Variants in WDFY3 observed in about 807,000 individuals in gnomAD.
The protein encoded by WDFY3 is WD repeat and FYVE domain containing 3, also known as WD repeat and FYVE domain-containing protein 3.
In WDFY3, 66 loss-of-function variants were observed where a neutral mutation model predicts 409.6. That is an observed-to-expected ratio of 0.16 (90% CI 0.13 to 0.20). WDFY3 has a LOEUF of 0.20. WDFY3 is among the 10% of genes least tolerant of loss of function. The probability of loss-of-function intolerance (pLI) is 1.00; values close to 1 mark genes in which losing one functional copy is unlikely to be tolerated. For synonymous variants in WDFY3, 1,521 were observed against 1,537.1 expected, an observed-to-expected ratio of 0.99 and a Z score of 0.25; for missense variants, 3,031 against 4,298.1, an observed-to-expected ratio of 0.71 and a Z score of 8.24.
At chr4:84,890,220 C>G (rs912395965) in intron 3 of WDFY3, among the ~76,000 whole-genome samples, 18 of 152,168 alleles carry the variant, frequency 1.2e-4, no homozygotes, top group Admixed American at 5.9e-4. Context: ...CTGCCTCAGC[C>G]TCCTGAGTAG....
intron 6 of WDFY3, among the ~76,000 whole-genome samples, chr4:84,840,075 G>C (rs1471180711): frequency 6.6e-6 from 1 of 152,136 alleles, no homozygotes; most frequent in Non-Finnish European, 1.5e-5. Flanking sequence ...TACATGATGA[G>C]AGTGTTTGAA....
intron 7 of WDFY3, among the ~76,000 whole-genome samples, chr4:84,833,576 C>T (rs746350002): frequency 2.6e-5 from 4 of 152,026 alleles, no homozygotes; most frequent in Non-Finnish European, 4.4e-5. Flanking sequence ...ATCACCTGAG[C>T]CCGGGAGGTC....
chr4:84,858,977 G>A (rs545980097), intron 4 of WDFY3, among the ~76,000 whole-genome samples: 1 of 151,784 alleles, frequency 6.6e-6, no homozygotes, highest in African/African-American at 2.4e-5. Context: ...CATAGAGAGA[G>A]ACAGACAGAT....
chr4:84,867,790 G>A (rs1372482637), intron 3 of WDFY3, among the ~76,000 whole-genome samples: 1 of 152,050 alleles, frequency 6.6e-6, no homozygotes. Context: ...TTATATAAGC[G>A]AAGAAACAAA....
At chr4:84,921,646 A>ATTTTTTTTTTTTT (rs747576197) in intron 2 of WDFY3, among the ~76,000 whole-genome samples, 1 of 78,666 alleles carries the variant, frequency 1.3e-5, no homozygotes, top group African/African-American at 5.7e-5. Flanking sequence ...TATTGCTTTC[A>ATTTTTTTTTTTTT]TTTTTTTTTT....
intron 2 of WDFY3, among the ~76,000 whole-genome samples, chr4:84,921,498 T>C (rs1213482445): frequency 1.3e-5 from 2 of 152,020 alleles, no homozygotes; most frequent in Non-Finnish European, 2.9e-5. Flanking sequence ...CCTAATGAAA[T>C]AGCAAGCATA....
intron 27 of WDFY3, among the ~76,000 whole-genome samples, chr4:84,777,905 C>A (rs751705953): frequency 6.6e-6 from 1 of 151,946 alleles, no homozygotes; most frequent in African/African-American, 2.4e-5. Context: ...TAAGTGATCA[C>A]GAGTTGCCTT....
chr4:84,787,650 C>A lies in WDFY3; in HGVS notation c.3733G>T (p.Val1245Phe), dbSNP rs867872627. The A allele has an allele frequency of 6.2e-7, 1 of 1,614,126 alleles. No individual in the cohort carries two copies. The highest frequency in any genetic ancestry group is 8.5e-7 in the Non-Finnish European group (1 of 1,180,000). Residue 1245 changes from valine (V) to phenylalanine (F), a missense_variant, in exon 23 of 68, where the codon GTC becomes TTC. This residue lies in a region of WDFY3 where 1,322 missense variants were observed against 1,697.9 expected (regional missense o/e 0.78). Transcript: ENST00000295888. The part of the protein sequence containing the change: ...GSANPPVVST[V>F]YAYIGTPPAQ... ...GGTGGAGTACCAATGTAGGCATAGA[C>A]CGTGCTCACCACTGGTGGATTTGCC...
intron 2 of WDFY3, among the ~76,000 whole-genome samples, chr4:84,916,970 T>C (rs762297735): frequency 3.9e-5 from 6 of 152,152 alleles, no homozygotes; most frequent in Non-Finnish European, 5.9e-5. Flanking sequence ...AATAGATATA[T>C]ATTTTATATA....
Position 84,691,697 on chromosome 4 carries a change from C to A in WDFY3, c.9138G>T (p.Trp3046Cys), listed in dbSNP as rs372392667. 3.8e-5 allele frequency: 62 copies of A among 1,613,974 alleles called. No individual in the cohort carries two copies. The highest frequency in any genetic ancestry group is 5.1e-5 in the Non-Finnish European group (60 of 1,180,010). The change falls in exon 60 of 68, where the codon TGG (tryptophan) becomes TGT (cysteine). Residue 3046 changes from tryptophan (W) to cysteine (C), a missense_variant. Coordinates refer to ENST00000295888, the MANE Select transcript of WDFY3 (RefSeq NM_014991.6). ...CATAGCCCCAAGCAAAAGTTTTATT[C>A]CAGGTTGGTGGGATAAGAACCTTAT... The part of the protein sequence containing the change: ...EQNKVLIPPT[W>C]NKTFAWGYAD...
In WDFY3 at chr4:84,836,997, C is replaced by T. The variant is rs1297314481; in HGVS notation, c.508G>A (p.Val170Ile). The change falls in exon 7 of 68, where the codon GTT becomes ATT. Residue 170 changes from valine (V) to isoleucine (I), a missense_variant. Val to Ile is a conservative substitution (Grantham distance 29, BLOSUM62 3). Coordinates refer to ENST00000295888, the MANE Select transcript of WDFY3 (RefSeq NM_014991.6). ...GGTAGCTCATTCTGTGCACCTCCAA[C>T]TGCCTCAGGCACATGTGGAAGGTCA... Reference protein sequence around the residue: ...FFDLPHVPEAVGGAQNELPLA... With the variant: ...FFDLPHVPEAIGGAQNELPLA... 1 of 1,602,262 alleles carries T rather than the reference C, an allele frequency of 6.2e-7. No homozygotes were observed. Among genetic ancestry groups the T allele is most frequent in the African/African-American group, 1.3e-5 (1 of 74,744 alleles).
intron 44 of WDFY3, among the ~76,000 whole-genome samples, chr4:84,728,784 T>C (rs1392397483): frequency 1.3e-5 from 2 of 152,174 alleles, no homozygotes; most frequent in African/African-American, 4.8e-5. Context: ...CAGCACTCAA[T>C]AGTAAATATG....
At chr4:84,705,551 A>T in intron 53 of WDFY3, 40 bp from the exon 54 acceptor site, 1 of 1,487,442 alleles carries the variant, frequency 6.7e-7, no homozygotes. Flanking sequence ...GTTACTATAC[A>T]CTATCTAGCC....
chr4:84,909,038 ACACACACACG>A (rs1767421362), intron 2 of WDFY3, among the ~76,000 whole-genome samples: 1 of 150,378 alleles, frequency 6.6e-6, no homozygotes, highest in Admixed American at 6.6e-5. Flanking sequence ...ATACACACAC[ACACACACACG>A]CACACACACA....
chr4:84,748,245 T>G (rs1050351677), intron 36 of WDFY3, among the ~76,000 whole-genome samples: 1 of 152,190 alleles, frequency 6.6e-6, no homozygotes, highest in African/African-American at 2.4e-5. Context: ...TTTGAGTATG[T>G]TTAAGTGTTG....
At chr4:84,865,008 G>T (rs1315071127) in intron 3 of WDFY3, among the ~76,000 whole-genome samples, 1 of 151,836 alleles carries the variant, frequency 6.6e-6, no homozygotes, top group Non-Finnish European at 1.5e-5. Context: ...TCCCTCCTCA[G>T]CCTCCCTAGT....
chr4:84,690,476 C>T, intron 61 of WDFY3, 30 bp downstream of exon 61: 1 of 1,613,800 alleles, frequency 6.2e-7, no homozygotes. Flanking sequence ...GGACTATGTC[C>T]TTCTTGGCAT....
intron 26 of WDFY3, 39 bp from the exon 27 acceptor site, chr4:84,778,694 TCA>T: frequency 1.3e-6 from 2 of 1,577,756 alleles, no homozygotes; most frequent in Non-Finnish European, 1.7e-6. Context: ...TGATAAATCA[TCA>T]TATATATTCA....
chr4:84,849,771 G>GGA, intron 5 of WDFY3, 131 bp downstream of exon 5: 3 of 1,276,494 alleles, frequency 2.4e-6, no homozygotes, highest in Non-Finnish European at 3.2e-6. Context: ...TCTAAGAAAG[G>GGA]GAAAGGGAAT....
Sources: allele counts gnomAD v4.1 joint callset (sites outside exome capture counted in the v4.1 genomes callset), GRCh38; gene constraint gnomAD v4.1.1; regional missense constraint gnomAD v4.1.1; transcripts MANE v1.5; gene names NCBI Gene and HGNC (gene_info 2026-07-23, HGNC 2026-07-21).